ADARB1: variants seen among roughly 807,000 people sequenced by gnomAD.
ADARB1 encodes adenosine deaminase RNA specific B1, also known as double-stranded RNA-specific editase 1.
In ADARB1, 10 loss-of-function variants were observed where a neutral mutation model predicts 52.4. The ratio of observed to expected loss-of-function variants is 0.19; its 90% CI spans 0.12 to 0.32. The LOEUF (loss-of-function observed/expected upper bound fraction) is 0.32. Ranked by LOEUF, ADARB1 falls within the 10% of genes least tolerant of loss-of-function variation. The pLI, the probability that ADARB1 is intolerant of heterozygous loss-of-function variation, is 1.00. For missense variants in ADARB1, 643 were observed against 922.3 expected, an observed-to-expected ratio of 0.70 and a Z score of 3.92; for synonymous variants, 349 against 371.1, an observed-to-expected ratio of 0.94 and a Z score of 0.68.
chr21:45,188,303 C>T (rs542361554), intron 8 of ADARB1, among the ~76,000 whole-genome samples: 25 of 152,256 alleles, frequency 1.6e-4, no homozygotes, highest in African/African-American at 5.5e-4. Flanking sequence ...GATAGAGTTT[C>T]ACCATGTTGG....
At chr21:45,201,091 C>T (rs1240374448) in intron 8 of ADARB1, among the ~76,000 whole-genome samples, 1 of 152,198 alleles carries the variant, frequency 6.6e-6, no homozygotes, top group Admixed American at 6.5e-5. Flanking sequence ...TGAGTGGGCA[C>T]CTCCCATGGG....
chr21:45,156,545 A>G (rs1436071189), intron 2 of ADARB1, among the ~76,000 whole-genome samples: 10 of 94,248 alleles, frequency 1.1e-4, no homozygotes, highest in Admixed American at 8.8e-4. Flanking sequence ...CCCATCATCC[A>G]TTCATCCATC....
At chr21:45,183,250 C>T in intron 6 of ADARB1, 112 bp from the exon 7 acceptor site, 1 of 1,011,800 alleles carries the variant, frequency 9.9e-7, no homozygotes, top group Non-Finnish European at 1.4e-6. Flanking sequence ...AATAAATATT[C>T]CAGTTCAAAC....
In ADARB1 at chr21:45,203,882, T is replaced by C. The variant is rs118044218; in HGVS notation, c.1566-673T>C. On this transcript the variant is annotated intron_variant, in intron 8 of 10. Coordinates refer to ENST00000348831, the MANE Select transcript of ADARB1 (RefSeq NM_001112.4). ...TGAAACTGTAGATAGTACTGAACCC[T>C]GTACGTGCTGGTATTTTTCCTGTAA... Among the ~76,000 whole-genome samples, 314 of 152,370 alleles carry C rather than the reference T, an allele frequency of 2.1e-3. 1 individual carries two copies. Among genetic ancestry groups the C allele is most frequent in the Non-Finnish European group, 3.3e-3 (225 of 68,032 alleles).
chr21:45,174,388 C>G (rs1180019148), intron 3 of ADARB1, among the ~76,000 whole-genome samples: 1 of 152,094 alleles, frequency 6.6e-6, no homozygotes, highest in African/African-American at 2.4e-5. Context: ...TTGATGAACA[C>G]TTTATACTCC....
chr21:45,098,473 C>T (rs752723091), intron 1 of ADARB1, among the ~76,000 whole-genome samples: 23 of 152,170 alleles, frequency 1.5e-4, no homozygotes, highest in Non-Finnish European at 3.1e-4. Context: ...ATTATATGAC[C>T]GTTGTCTCCC....
chr21:45,223,756 G>T lies in ADARB1; in HGVS notation c.*1559G>T. On this transcript the variant is annotated 3_prime_UTR_variant, in exon 11 of 11. Transcript: ENST00000348831. ...CGCTGGGAGCTCAGACCCCAAAACT[G>T]AAACACCGTGGCTTCGGCGGGGGGT... 1 of 985,454 alleles carries T rather than the reference G, an allele frequency of 1.0e-6. No individual in the cohort carries two copies. The highest frequency in any genetic ancestry group is 1.2e-6 in the Non-Finnish European group (1 of 829,960). The allele number at this position is 985,454 out of a possible 1,614,324, so 61.0% of individuals were successfully genotyped here.
At chr21:45,083,806 C>T (rs943987119) in intron 1 of ADARB1, among the ~76,000 whole-genome samples, 5 of 152,240 alleles carry the variant, frequency 3.3e-5, no homozygotes, top group Admixed American at 6.5e-5. Context: ...GCGATCCTCC[C>T]GCCTCAGTCT....
At chr21:45,210,227 T>C (rs965638048) in intron 9 of ADARB1, among the ~76,000 whole-genome samples, 2 of 152,202 alleles carry the variant, frequency 1.3e-5, no homozygotes, top group African/African-American at 4.8e-5. Flanking sequence ...TTTCTAGTGA[T>C]TGGAACTGTC....
chr21:45,174,231 G>A (rs971781969), intron 3 of ADARB1, among the ~76,000 whole-genome samples: 11 of 152,262 alleles, frequency 7.2e-5, no homozygotes, highest in South Asian at 2.1e-4. Context: ...AAAAAATACA[G>A]ATTTTTGAAA....
At chr21:45,121,885 TC>T (rs545031824) in intron 1 of ADARB1, among the ~76,000 whole-genome samples, 135 of 152,362 alleles carry the variant, frequency 8.9e-4, no homozygotes, top group Admixed American at 2.0e-3. Context: ...AAGGCTGTTT[TC>T]CCAGCTGTAT....
At chr21:45,195,607 C>A (rs1207546811) in intron 8 of ADARB1, among the ~76,000 whole-genome samples, 1 of 140,964 alleles carries the variant, frequency 7.1e-6, no homozygotes, top group African/African-American at 2.6e-5. Context: ...TGCCTAGATT[C>A]TTTTTTTTTT....
intron 2 of ADARB1, among the ~76,000 whole-genome samples, chr21:45,163,487 G>A (rs1367036179): frequency 6.6e-6 from 1 of 152,168 alleles, no homozygotes; most frequent in Non-Finnish European, 1.5e-5. Context: ...GCGGGGGAGT[G>A]AGCGGGGAGG....
intron 2 of ADARB1, among the ~76,000 whole-genome samples, chr21:45,168,824 CATTGTCTTTTTTCA>C: frequency 6.6e-6 from 1 of 152,114 alleles, no homozygotes; most frequent in African/African-American, 2.4e-5. Context: ...GGCATCTGTT[CATTGTCTTTTTTCA>C]TTTAGTTTGA....
intron 8 of ADARB1, among the ~76,000 whole-genome samples, chr21:45,193,288 C>T (rs2092347347): frequency 6.6e-6 from 1 of 152,164 alleles, no homozygotes. Flanking sequence ...TATAATTCAC[C>T]ATATTAACAA....
intron 1 of ADARB1, among the ~76,000 whole-genome samples, chr21:45,089,387 C>T (rs1005117677): frequency 1.3e-5 from 2 of 152,120 alleles, no homozygotes; most frequent in African/African-American, 2.4e-5. Context: ...AGGACCAGCC[C>T]CTGTCTCTGT....
In ADARB1 at chr21:45,222,218, G is replaced by A. The variant is rs1403112747; in HGVS notation, c.*21G>A. On this transcript the variant is annotated 3_prime_UTR_variant, in exon 11 of 11. Coordinates refer to ENST00000348831, the MANE Select transcript of ADARB1 (RefSeq NM_001112.4). Reference sequence around the variant, plus strand: ...CCTGACCCGGGCAGACATGATGGGGGGTGCAGGGGGCTGTGGGCATCCAGC... The same window carrying A: ...CCTGACCCGGGCAGACATGATGGGGAGTGCAGGGGGCTGTGGGCATCCAGC... 4 of 1,535,292 alleles carry A rather than the reference G, an allele frequency of 2.6e-6. No individual in the cohort carries two copies. The highest frequency in any genetic ancestry group is 3.5e-6 in the Non-Finnish European group (4 of 1,145,820).
intron 1 of ADARB1, among the ~76,000 whole-genome samples, chr21:45,121,362 G>C (rs1193353694): frequency 6.6e-6 from 1 of 152,196 alleles, no homozygotes; most frequent in Non-Finnish European, 1.5e-5. Context: ...TGGAAAGACT[G>C]TTGTTAGGTG....
intron 1 of ADARB1, among the ~76,000 whole-genome samples, chr21:45,105,257 C>T (rs1260962364): frequency 6.6e-6 from 1 of 152,122 alleles, no homozygotes; most frequent in African/African-American, 2.4e-5. Context: ...CCCGCCACCA[C>T]ACCTGGCTAA....
Sources: gnomAD v4.1 joint callset for allele counts (sites outside exome capture counted in the v4.1 genomes callset) on GRCh38, gnomAD v4.1.1 for gene constraint, MANE v1.5 for transcripts, NCBI Gene and HGNC (gene_info 2026-07-23, HGNC 2026-07-21) for gene names.